The following TRIP6 variants were observed in gnomAD, a reference collection of about 807,000 sequenced individuals.
TRIP6 encodes thyroid hormone receptor interactor 6, also known as thyroid receptor-interacting protein 6.
TRIP6 carries 33 observed loss-of-function variants against 51.9 expected under a neutral mutation model. The ratio of observed to expected loss-of-function variants is 0.64; its 90% CI spans 0.48 to 0.85. TRIP6 has a LOEUF of 0.85. Ranked by LOEUF, TRIP6 falls within the 40% of genes least tolerant of loss-of-function variation. The pLI is 0.00. For missense variants in TRIP6, 661 were observed against 652.1 expected (o/e 1.01, Z -0.15); for synonymous variants, 255 against 275.8 (o/e 0.92, Z 0.75).
intron 7 of TRIP6, 96 bp from the exon 8 acceptor site, chr7:100,872,524 CCTCT>C (rs1563003634): frequency 4.5e-6 from 7 of 1,544,250 alleles, no homozygotes; most frequent in East Asian, 4.6e-5. Context: ...ATACCTCTGG[CCTCT>C]CTGATTCCCT....
At position 100,872,181 on chromosome 7, in the gene TRIP6, G is replaced by GTTTTTTTTT. The variant is rs34239953; in HGVS notation, c.1179-428_1179-420dup. Among the ~76,000 whole-genome samples the GTTTTTTTTT allele has an allele frequency of 9.8e-3, 938 of 95,606 alleles. 1 individual carries two copies. Among genetic ancestry groups the GTTTTTTTTT allele is most frequent in the African/African-American group, 0.024 (583 of 23,972 alleles). 62.7% of individuals were successfully genotyped at this position (95,606 alleles called of 152,430 possible). On this transcript the variant is annotated intron_variant, in intron 7 of 8. Transcript: ENST00000200457. ...GGGCGCATGCCACCACGCCTGGCTA[G>GTTTTTTTTT]TTTTTTTTTTTTTTTTTTTTTTTGT...
At position 100,867,698 on chromosome 7, in the gene TRIP6, C is replaced by G; in HGVS notation, c.109+92C>G. ...AGCCTCCCGCCCTGGCTGCTTCCTC[C>G]TGCCCCTTCCCCAAGCCGAGGCGGG... On this transcript the variant is annotated intron_variant, in intron 1 of 8. Coordinates refer to ENST00000200457, the MANE Select transcript of TRIP6 (RefSeq NM_003302.3). The surrounding 1 kb of genome is among the most constrained non-coding windows in gnomAD (Gnocchi z 5.4). 1 of 1,540,530 alleles carries G rather than the reference C, an allele frequency of 6.5e-7. No homozygotes were observed. Among genetic ancestry groups the G allele is most frequent in the Non-Finnish European group, 8.8e-7 (1 of 1,138,496 alleles).
At chr7:100,869,949 C>T (rs1420605481) in intron 4 of TRIP6, among the ~76,000 whole-genome samples, 2 of 151,482 alleles carry the variant, frequency 1.3e-5, no homozygotes, top group African/African-American at 4.8e-5. Flanking sequence ...ATGTATATTA[C>T]AATGTAATAT....
Position 100,873,286 on chromosome 7 carries a change from G to A in TRIP6, c.1414G>A (p.Val472Ile), listed in dbSNP as rs1378274671. The A allele has an allele frequency of 1.2e-5, 20 of 1,610,134 alleles. No homozygotes were observed. Among genetic ancestry groups the A allele is most frequent in the Non-Finnish European group, 1.4e-5 (17 of 1,177,030 alleles). Residue 472 changes from valine (V) to isoleucine (I), a missense_variant, in exon 9 of 9, where the codon GTC (valine) becomes ATC (isoleucine). Transcript: ENST00000200457. ...GCGCATCCAGGAGCTCTCAGCCACCGTCACCACTGACTGCTGAGTCTTCCT... is the reference window on the plus strand; with the variant it reads ...GCGCATCCAGGAGCTCTCAGCCACCATCACCACTGACTGCTGAGTCTTCCT... ...AWRIQELSAT[V>I]TTDC is the part of the protein sequence containing the mutation.
chr7:100,871,113 A>T (rs1282350631), intron 6 of TRIP6: 3 of 499,716 alleles, frequency 6.0e-6, no homozygotes, highest in Non-Finnish European at 1.2e-5. Context: ...TGCTCACTGC[A>T]ACCTCAGCCT....
chr7:100,869,093 C>T (rs908306477), intron 4 of TRIP6, among the ~76,000 whole-genome samples: 3 of 151,992 alleles, frequency 2.0e-5, no homozygotes, highest in African/African-American at 7.2e-5. Flanking sequence ...ATTACAGGCA[C>T]ACGCTGCCAC....
At position 100,871,608 on chromosome 7, in the gene TRIP6, G is replaced by A. The variant is rs765240046; in HGVS notation, c.1065G>A (p.Gly355=). ...TGGACCGGATCCTGCGGGCTATGGG[G>A]AAGGCCTACCACCCTGGCTGCTTCA... is the stretch of plus-strand genomic sequence containing the variant. ...PILDRILRAM[G]KAYHPGCFTC... The change falls in exon 7 of 9, where the codon GGG becomes GGA. Residue 355 remains glycine, a synonymous_variant. Coordinates refer to ENST00000200457, the MANE Select transcript of TRIP6 (RefSeq NM_003302.3). The A allele has an allele frequency of 1.2e-6, 2 of 1,613,972 alleles. No individual in the cohort carries two copies. The highest frequency in any genetic ancestry group is 2.2e-5 in the East Asian group (1 of 44,888).
rs202010975 is a variant in TRIP6 at position 100,867,784 on chromosome 7, G to A, written c.110-77G>A. On this transcript the variant is annotated intron_variant, in intron 1 of 8. Coordinates refer to ENST00000200457, the MANE Select transcript of TRIP6 (RefSeq NM_003302.3). The surrounding 1 kb of genome is among the most constrained non-coding windows in gnomAD (Gnocchi z 5.4). ...TTTGGGGGAGGAGGTAACGAGAGGC[G>A]GAGAGGGTGGCTCCTCAAATATACA... 21 of 1,515,240 alleles carry A rather than the reference G, an allele frequency of 1.4e-5. 1 individual carries two copies. Among genetic ancestry groups the A allele is most frequent in the African/African-American group, 4.3e-5 (3 of 70,530 alleles). 93.9% of individuals were successfully genotyped at this position (1,515,240 alleles called of 1,614,324 possible).
In TRIP6 at chr7:100,868,744, C is replaced by T. The variant is rs755085464; in HGVS notation, c.613C>T (p.Arg205Ter). Residue 205 changes from arginine (R) to a stop codon, truncating the protein, a stop_gained, in exon 4 of 9, where the codon CGA (arginine) becomes TGA (stop). Transcript: ENST00000200457. LOFTEE classifies it high-confidence loss of function. ...LPGPHFPLPG[R>*]GEVWGPGYRS... ...GGGCCCCCACTTTCCTCTCCCAGGC[C>T]GAGGTGAAGTCTGGGGGCCTGGCTA... The T allele has an allele frequency of 1.2e-5, 19 of 1,555,164 alleles. No homozygotes were observed. Among genetic ancestry groups the T allele is most frequent in the Admixed American group, 4.1e-5 (2 of 49,352 alleles).
Position 100,867,412 on chromosome 7 carries a change from C to T in TRIP6, c.-86C>T. ...AGAAAAAGTTTTCTTTTCTGGAGTC[C>T]CAAACGAGGTGCGGGACGGAAGAGG... On this transcript the variant is annotated 5_prime_UTR_variant, in exon 1 of 9. Coordinates refer to ENST00000200457, the MANE Select transcript of TRIP6 (RefSeq NM_003302.3). The surrounding 1 kb of genome is among the most constrained non-coding windows in gnomAD (Gnocchi z 5.4). 4.8e-6 allele frequency: 5 copies of T among 1,048,278 alleles called. No homozygotes were observed. Among genetic ancestry groups the T allele is most frequent in the Non-Finnish European group, 6.5e-6 (5 of 765,680 alleles). The allele number at this position is 1,048,278 out of a possible 1,614,324, so 64.9% of individuals were successfully genotyped here.
At chr7:100,871,994 T>A (rs549148641) in intron 7 of TRIP6, among the ~76,000 whole-genome samples, 1 of 149,586 alleles carries the variant, frequency 6.7e-6, no homozygotes, top group African/African-American at 2.5e-5. Context: ...CACGCCACCA[T>A]GCCTGGCTAG....
In TRIP6 at chr7:100,867,933, C is replaced by A; in HGVS notation, c.182C>A (p.Pro61Gln). 6.6e-7 allele frequency: 1 copy of A among 1,515,586 alleles called. No individual in the cohort carries two copies. Among genetic ancestry groups the A allele is most frequent in the Non-Finnish European group, 8.8e-7 (1 of 1,136,252 alleles). The allele number at this position is 1,515,586 out of a possible 1,614,324, so 93.9% of individuals were successfully genotyped here. The change falls in exon 2 of 9, where the codon CCG becomes CAG. Residue 61 changes from proline to glutamine, a missense_variant. Transcript: ENST00000200457. The surrounding 1 kb of genome is among the most constrained non-coding windows in gnomAD (Gnocchi z 5.4). ...SEQCYQAPGG[P>Q]EDRGPAWVGS... ...CAGTGTTACCAGGCCCCAGGGGGAC[C>A]GGAGGATCGGGGGCCGGCGTGGGTG...
In TRIP6 at chr7:100,868,802, A is replaced by G. The variant is rs771608950; in HGVS notation, c.671A>G (p.Lys224Arg). 3.3e-6 allele frequency: 5 copies of G among 1,524,962 alleles called. No individual in the cohort carries two copies. Among genetic ancestry groups the G allele is most frequent in the Non-Finnish European group, 4.4e-6 (5 of 1,141,082 alleles). The allele number at this position is 1,524,962 out of a possible 1,614,324, so 94.5% of individuals were successfully genotyped here. ...RSQREPGPGA[K>R]EEAAGVSGPA... ...CAGAGAGAGCCAGGGCCAGGGGCCA[A>G]AGAGGAAGCTGCTGGGGTCTCTGGC... The change falls in exon 4 of 9, where the codon AAA becomes AGA. Residue 224 changes from lysine to arginine, a missense_variant. Coordinates refer to ENST00000200457, the MANE Select transcript of TRIP6 (RefSeq NM_003302.3).
chr7:100,868,605 T>C lies in TRIP6; in HGVS notation c.474T>C (p.Thr158=). The C allele has an allele frequency of 1.2e-6, 2 of 1,612,812 alleles. No individual in the cohort carries two copies. Among genetic ancestry groups the C allele is most frequent in the Non-Finnish European group, 1.7e-6 (2 of 1,179,896 alleles). ...PYGGPTPASY[T]TASTPAGPAF... The stretch of plus-strand genomic sequence containing the variant: ...GGGGCCCCACTCCAGCCTCTTACAC[T>C]ACCGCCAGCACCCCGGCTGGCCCAG... Residue 158 remains threonine, a synonymous_variant, in exon 4 of 9, where the codon ACT becomes ACC. Transcript: ENST00000200457.
rs1367716185 is a variant in TRIP6, at chr7:100,871,559, G to C, written c.1016G>C (p.Cys339Ser). Reference sequence around the variant, plus strand: ...TCCCAACAGGCCACCCTGGAGAAATGTGCCACGTGCTCCCAGCCCATCCTG... The same window carrying C: ...TCCCAACAGGCCACCCTGGAGAAATCTGCCACGTGCTCCCAGCCCATCCTG... ...EGCYVATLEKCATCSQPILDR... is the reference protein window; with the variant it reads ...EGCYVATLEKSATCSQPILDR... Residue 339 changes from cysteine (C) to serine (S), a missense_variant, in exon 7 of 9, where the codon TGT (cysteine) becomes TCT (serine). Physicochemically the swap from Cys to Ser is moderately radical, Grantham distance 112 (BLOSUM62 -1). Transcript: ENST00000200457. 1 of 1,613,774 alleles carries C rather than the reference G, an allele frequency of 6.2e-7. No homozygotes were observed. Among genetic ancestry groups the C allele is most frequent in the Non-Finnish European group, 8.5e-7 (1 of 1,179,912 alleles).
At chr7:100,869,031 T>A (rs987216503) in intron 4 of TRIP6, among the ~76,000 whole-genome samples, 165 bp downstream of exon 4, 1 of 152,100 alleles carries the variant, frequency 6.6e-6, no homozygotes, top group Non-Finnish European at 1.5e-5. Flanking sequence ...CACTGCAACC[T>A]CTGCCTCCCG....
At position 100,867,751 on chromosome 7, in the gene TRIP6, A is replaced by G. The variant is rs1385379754; in HGVS notation, c.110-110A>G. On this transcript the variant is annotated intron_variant, in intron 1 of 8. Coordinates refer to ENST00000200457, the MANE Select transcript of TRIP6 (RefSeq NM_003302.3). The surrounding 1 kb of genome is among the most constrained non-coding windows in gnomAD (Gnocchi z 5.4). Reference sequence around the variant, plus strand: ...GAACAGCCGCCTGCGCTCTCTTGGGACCCTAGATTTGGGGGAGGAGGTAAC... The same window carrying G: ...GAACAGCCGCCTGCGCTCTCTTGGGGCCCTAGATTTGGGGGAGGAGGTAAC... 1 of 1,510,950 alleles carries G rather than the reference A, an allele frequency of 6.6e-7. No individual in the cohort carries two copies. Among genetic ancestry groups the G allele is most frequent in the Non-Finnish European group, 8.8e-7 (1 of 1,130,622 alleles). 93.6% of individuals were successfully genotyped at this position (1,510,950 alleles called of 1,614,324 possible).
Position 100,868,857 on chromosome 7 carries a change from C to T in TRIP6, c.726C>T (p.His242=), listed in dbSNP as rs757138184. ...GPAGRGRGGE[H]GPQVPLSQPP... The stretch of plus-strand genomic sequence containing the variant: ...CAGGAAGAGGAAGAGGAGGCGAGCA[C>T]GGGCCCCAGGTGAGCCCTGGGGAAC... Residue 242 remains histidine (H), a synonymous_variant, in exon 4 of 9, where the codon CAC becomes CAT. Coordinates refer to ENST00000200457, the MANE Select transcript of TRIP6 (RefSeq NM_003302.3). 14 of 1,511,772 alleles carry T rather than the reference C, an allele frequency of 9.3e-6. No individual in the cohort carries two copies. The highest frequency in any genetic ancestry group is 5.4e-5 in the South Asian group (4 of 74,356). The allele number at this position is 1,511,772 out of a possible 1,614,324, so 93.6% of individuals were successfully genotyped here. A position where few individuals can be genotyped will look rare whatever the true frequency, so the allele number is the denominator to read the frequency against.
chr7:100,872,710 A>C lies in TRIP6; in HGVS notation c.1265A>C (p.Asp422Ala). ...GAGACTGTGAGAATTGTTGCTCTGG[A>C]TCGAAGTTTTCACATTGGCTGTTAC... ...QEETVRIVAL[D>A]RSFHIGCYKC... Residue 422 changes from aspartate to alanine, a missense_variant, in exon 8 of 9, where the codon GAT becomes GCT. Physicochemically the swap from Asp to Ala is moderately radical, Grantham distance 126. Coordinates refer to ENST00000200457, the MANE Select transcript of TRIP6 (RefSeq NM_003302.3). 2 of 1,614,050 alleles carry C rather than the reference A, an allele frequency of 1.2e-6. No homozygotes were observed. Among genetic ancestry groups the C allele is most frequent in the Non-Finnish European group, 1.7e-6 (2 of 1,180,002 alleles).
Sources: allele counts gnomAD v4.1 joint callset (sites outside exome capture counted in the v4.1 genomes callset), GRCh38; gene constraint gnomAD v4.1.1; non-coding constraint Gnocchi (gnomAD v3.1); transcripts MANE v1.5; gene names NCBI Gene and HGNC (gene_info 2026-07-23, HGNC 2026-07-21).